PPFIBP1: variants seen among roughly 807,000 people sequenced by gnomAD.
PPFIBP1 encodes PPFIB scaffold protein 1.
A neutral mutation model predicts 137.8 loss-of-function variants in PPFIBP1; 112 were observed. The observed-to-expected ratio is 0.81, with a 90% CI of 0.70 to 0.95. The LOEUF is 0.95. PPFIBP1 is among the 40% of genes least tolerant of loss of function. The pLI is 0.00. For synonymous variants in PPFIBP1, 378 were observed against 417.3 expected (o/e 0.91, Z 1.15); for missense variants, 1,083 against 1,196.6 (o/e 0.91, Z 1.40).
intron 28 of PPFIBP1, 102 bp downstream of exon 28, chr12:27,692,030 A>G (rs1159466120): frequency 9.8e-6 from 10 of 1,016,524 alleles, no homozygotes; most frequent in Non-Finnish European, 1.4e-5. Flanking sequence ...TTCTTCAAAT[A>G]ACTAAAAATA....
intron 7 of PPFIBP1, among the ~76,000 whole-genome samples, chr12:27,651,089 A>C (rs2058848998): frequency 6.6e-6 from 1 of 152,152 alleles, no homozygotes; most frequent in Non-Finnish European, 1.5e-5. Flanking sequence ...CCAGCATGAT[A>C]CCAGGCATTA....
At chr12:27,662,544 C>G (rs146024650) in intron 11 of PPFIBP1, among the ~76,000 whole-genome samples, 51 of 152,206 alleles carry the variant, frequency 3.4e-4, no homozygotes, top group Non-Finnish European at 5.7e-4. Context: ...GTGGGAAGAG[C>G]TTTTAGAGAA....
chr12:27,563,435 C>A (rs2136444986), intron 1 of PPFIBP1, among the ~76,000 whole-genome samples: 1 of 138,850 alleles, frequency 7.2e-6, no homozygotes, highest in African/African-American at 2.7e-5. Flanking sequence ...CCAGTCTGGG[C>A]AACAGAGCGA....
chr12:27,676,864 G>A (rs924345944), intron 18 of PPFIBP1, 200 bp from the exon 19 acceptor site: 14 of 771,568 alleles, frequency 1.8e-5, no homozygotes, highest in Non-Finnish European at 3.1e-5. Flanking sequence ...TCATCATGGA[G>A]TTTCCCATCT....
intron 1 of PPFIBP1, among the ~76,000 whole-genome samples, chr12:27,556,938 A>G (rs1371206290): frequency 1.6e-5 from 2 of 126,156 alleles, no homozygotes; most frequent in African/African-American, 6.4e-5. Flanking sequence ...TAAAATCTCA[A>G]TAAAGACCCC....
chr12:27,608,648 G>C (rs1460713774), intron 2 of PPFIBP1: 5 of 433,768 alleles, frequency 1.2e-5, no homozygotes, highest in African/African-American at 1.1e-4. Flanking sequence ...TAAAAAACTT[G>C]CATTTACAAA....
rs1189013892 is a variant in PPFIBP1 at position 27,635,015 on chromosome 12, G to C, written c.170G>C (p.Gly57Ala). 6.2e-7 allele frequency: 1 copy of C among 1,614,170 alleles called. No homozygotes were observed. The highest frequency in any genetic ancestry group is 1.1e-5 in the South Asian group (1 of 91,088). Reference protein sequence around the residue: ...RALHLVEDLRGLLEMMETDEK... With the variant: ...RALHLVEDLRALLEMMETDEK... ...CTGCACCTTGTGGAAGACCTGCGTGGATTGTTAGAGATGATGGAAACAGAT... is the reference window on the plus strand; with the variant it reads ...CTGCACCTTGTGGAAGACCTGCGTGCATTGTTAGAGATGATGGAAACAGAT... Residue 57 changes from glycine (G) to alanine (A), a missense_variant, in exon 4 of 30, where the codon GGA (glycine) becomes GCA (alanine). Gly to Ala is a moderately conservative substitution (Grantham distance 60, BLOSUM62 0). Coordinates refer to ENST00000228425, the MANE Select transcript of PPFIBP1 (RefSeq NM_003622.4).
At chr12:27,581,984 A>ATGTGTG (rs61548314) in intron 2 of PPFIBP1, among the ~76,000 whole-genome samples, 340 of 150,862 alleles carry the variant, frequency 2.3e-3, no homozygotes, top group African/African-American at 7.6e-3. Flanking sequence ...GTGTGTACGT[A>ATGTGTG]TGTGTGTGTG....
At chr12:27,576,156 C>T (rs4931155) in intron 1 of PPFIBP1, among the ~76,000 whole-genome samples, 6 of 152,100 alleles carry the variant, frequency 3.9e-5, no homozygotes, top group East Asian at 3.9e-4. Flanking sequence ...CATCCCCCAC[C>T]GCTTTTTTTT....
chr12:27,691,680 GT>G, intron 27 of PPFIBP1, 68 bp from the exon 28 acceptor site: 1 of 1,327,250 alleles, frequency 7.5e-7, no homozygotes, highest in Admixed American at 2.1e-5. Context: ...AAAATCACAT[GT>G]TATCAGGCCT....
rs150727197 is a variant in PPFIBP1 at position 27,533,701 on chromosome 12, G to A, written c.-124+9336G>A. 2.0e-5 allele frequency among the ~76,000 whole-genome samples: 3 copies of A among 152,344 alleles called. No individual in the cohort carries two copies. In the East Asian group the frequency reaches 5.8e-4, roughly 29 times the overall value. On this transcript the variant is annotated intron_variant, in intron 1 of 29. Coordinates refer to ENST00000228425, the MANE Select transcript of PPFIBP1 (RefSeq NM_003622.4). The stretch of plus-strand genomic sequence containing the variant: ...ACTAATGGATCATCTCTATAGGGCT[G>A]TTATGTAAAGAGTGAGAATGGTTGA...
At chr12:27,579,468 A>G (rs562234944) in intron 2 of PPFIBP1, among the ~76,000 whole-genome samples, 1 of 152,342 alleles carries the variant, frequency 6.6e-6, no homozygotes, top group African/African-American at 2.4e-5. Flanking sequence ...AGCAACCGGT[A>G]TCCTGCCTTG....
chr12:27,678,881 A>AAAAAAAAAAAAAAAAAAAAC (rs2060707182), intron 19 of PPFIBP1, among the ~76,000 whole-genome samples: 1 of 143,278 alleles, frequency 7.0e-6, no homozygotes, highest in Non-Finnish European at 1.5e-5. Context: ...AAAAAAAAAA[A>AAAAAAAAAAAAAAAAAAAAC]CATTTAAGAG....
At chr12:27,567,711 G>T (rs973826578) in intron 1 of PPFIBP1, among the ~76,000 whole-genome samples, 4 of 151,956 alleles carry the variant, frequency 2.6e-5, no homozygotes, top group African/African-American at 9.7e-5. Context: ...AAATAAACTG[G>T]TAAATCCAAC....
In PPFIBP1 at chr12:27,564,689, G is replaced by A. The variant is rs77267369; in HGVS notation, c.-123-13463G>A. On this transcript the variant is annotated intron_variant, in intron 1 of 29. Coordinates refer to ENST00000228425, the MANE Select transcript of PPFIBP1 (RefSeq NM_003622.4). ...ATATTTTTATACAGGTAATATTTTC[G>A]AGTTCCTGCCAGAAGAATTCCAGGG... Among the ~76,000 whole-genome samples the A allele has an allele frequency of 3.5e-3, 532 of 152,112 alleles. 2 individuals carry two copies. The highest frequency in any genetic ancestry group is 0.017 in the Middle Eastern group (5 of 294).
At chr12:27,684,036 C>G (rs1368299751) in intron 24 of PPFIBP1, among the ~76,000 whole-genome samples, 1 of 152,130 alleles carries the variant, frequency 6.6e-6, no homozygotes, top group Non-Finnish European at 1.5e-5. Context: ...ATCCACCCAC[C>G]TTGGCCTCCC....
intron 2 of PPFIBP1, among the ~76,000 whole-genome samples, chr12:27,598,881 A>G (rs1234136874): frequency 6.6e-6 from 1 of 152,178 alleles, no homozygotes; most frequent in African/African-American, 2.4e-5. Context: ...TTACAATTTT[A>G]CATCGTCTAA....
At chr12:27,673,850 T>G in intron 16 of PPFIBP1, 23 bp downstream of exon 16, 3 of 1,595,910 alleles carry the variant, frequency 1.9e-6, no homozygotes, top group Non-Finnish European at 2.6e-6. Flanking sequence ...TTTTTTGTTT[T>G]TTTTTGTCTG....
intron 1 of PPFIBP1, among the ~76,000 whole-genome samples, chr12:27,569,296 A>G (rs376685096): frequency 3.3e-5 from 5 of 151,648 alleles, no homozygotes; most frequent in East Asian, 1.9e-4. Flanking sequence ...TAATACACAC[A>G]TTATTGCACT....
Sources: allele counts gnomAD v4.1 joint callset (sites outside exome capture counted in the v4.1 genomes callset), GRCh38; gene constraint gnomAD v4.1.1; transcripts MANE v1.5; gene names NCBI Gene and HGNC (gene_info 2026-07-23, HGNC 2026-07-21).